EYA1: variants seen among roughly 807,000 people sequenced by gnomAD.
The protein encoded by EYA1 is protein phosphatase EYA1.
EYA1 carries 16 observed loss-of-function variants against 82.0 expected under a neutral mutation model. The ratio of observed to expected loss-of-function variants is 0.20; its 90% CI spans 0.13 to 0.30. The LOEUF (loss-of-function observed/expected upper bound fraction) is 0.30. Ranked by LOEUF, EYA1 falls within the 10% of genes least tolerant of loss-of-function variation. The probability of loss-of-function intolerance (pLI) is 1.00; values close to 1 mark genes in which losing one functional copy is unlikely to be tolerated. For missense variants in EYA1, 633 were observed against 730.7 expected (o/e 0.87, Z 1.54); for synonymous variants, 261 against 264.4 (o/e 0.99, Z 0.12).
intron 2 of EYA1, among the ~76,000 whole-genome samples, chr8:71,452,070 C>A (rs548242525): frequency 4.6e-5 from 7 of 152,228 alleles, no homozygotes; most frequent in Non-Finnish European, 1.0e-4. Context: ...CACTCCCACC[C>A]TAATACTGCA....
intron 2 of EYA1, among the ~76,000 whole-genome samples, chr8:71,420,081 T>C (rs906453072): frequency 6.6e-6 from 1 of 152,162 alleles, no homozygotes; most frequent in African/African-American, 2.4e-5. Context: ...AGCTCAACCA[T>C]GCATAATTGA....
intron 2 of EYA1, among the ~76,000 whole-genome samples, chr8:71,472,794 T>TAA (rs1563647908): frequency 6.9e-6 from 1 of 145,042 alleles, no homozygotes; most frequent in Non-Finnish European, 1.5e-5. Context: ...TGAAGATATA[T>TAA]ATATATATAT....
At chr8:71,390,688 G>T (rs776627538) in intron 2 of EYA1, among the ~76,000 whole-genome samples, 13 of 152,082 alleles carry the variant, frequency 8.5e-5, no homozygotes, top group Non-Finnish European at 1.6e-4. Flanking sequence ...GACTATAGAA[G>T]AACCTAGTCT....
chr8:71,250,641 C>T (rs1354222165), intron 11 of EYA1, among the ~76,000 whole-genome samples: 1 of 152,216 alleles, frequency 6.6e-6, no homozygotes, highest in African/African-American at 2.4e-5. Flanking sequence ...GTGGGAGGCT[C>T]TGTTTCTATT....
chr8:71,247,481 G>A (rs1813246030), intron 11 of EYA1, among the ~76,000 whole-genome samples: 1 of 152,136 alleles, frequency 6.6e-6, no homozygotes, highest in African/African-American at 2.4e-5. Context: ...TAAGAGTTCT[G>A]CTGGGAGGGA....
intron 12 of EYA1, among the ~76,000 whole-genome samples, chr8:71,225,504 T>C (rs1810450408): frequency 1.3e-5 from 2 of 152,154 alleles, no homozygotes; most frequent in South Asian, 4.1e-4. Context: ...AAAAGGAGTT[T>C]TGAAATTTGC....
At chr8:71,509,599 T>A (rs1171186522) in intron 2 of EYA1, among the ~76,000 whole-genome samples, 1 of 152,210 alleles carries the variant, frequency 6.6e-6, no homozygotes, top group Non-Finnish European at 1.5e-5. Context: ...TGAACTTCAA[T>A]GCATTTTGAC....
intron 2 of EYA1, among the ~76,000 whole-genome samples, chr8:71,507,578 T>C (rs141807737): frequency 6.6e-6 from 1 of 152,244 alleles, no homozygotes; most frequent in African/African-American, 2.4e-5. Flanking sequence ...TCTGAGGTTA[T>C]TATTCTTACA....
Position 71,334,134 on chromosome 8 carries a change from C to T in EYA1, c.165G>A (p.Thr55=), listed in dbSNP as rs745425275. Residue 55 remains threonine (T), a synonymous_variant, in exon 4 of 18, where the codon ACG becomes ACA. Transcript: ENST00000340726. The part of the protein sequence containing the change: ...EPMSSSETAS[T]TADGSLNNFS... ...AATTGTTTAAAGACCCGTCGGCTGTCGTTGAAGCTGTTTCACTGCTGCTCA... is the reference window on the plus strand; with the variant it reads ...AATTGTTTAAAGACCCGTCGGCTGTTGTTGAAGCTGTTTCACTGCTGCTCA... The T allele has an allele frequency of 2.2e-5, 36 of 1,613,716 alleles. No individual in the cohort carries two copies. Among genetic ancestry groups the T allele is most frequent in the Middle Eastern group, 1.7e-4 (1 of 6,056 alleles).
At chr8:71,280,279 A>C (rs994191806) in intron 9 of EYA1, among the ~76,000 whole-genome samples, 1 of 152,204 alleles carries the variant, frequency 6.6e-6, no homozygotes, top group African/African-American at 2.4e-5. Context: ...AGACCCTACC[A>C]TTGTCAAGCC....
intron 2 of EYA1, among the ~76,000 whole-genome samples, chr8:71,417,754 C>A (rs944671629): frequency 6.6e-6 from 1 of 152,146 alleles, no homozygotes; most frequent in Non-Finnish European, 1.5e-5. Flanking sequence ...GGTTGAGAAA[C>A]CCTGCTTCAG....
chr8:71,499,622 G>C (rs1811668665), intron 2 of EYA1, among the ~76,000 whole-genome samples: 1 of 152,144 alleles, frequency 6.6e-6, no homozygotes, highest in Non-Finnish European at 1.5e-5. Context: ...TGCAGGAATG[G>C]GGGTGGGTTG....
intron 12 of EYA1, among the ~76,000 whole-genome samples, chr8:71,221,802 A>G (rs1185239916): frequency 2.0e-5 from 3 of 152,170 alleles, no homozygotes; most frequent in Non-Finnish European, 2.9e-5. Context: ...CTGGGCATGC[A>G]CATTAAGAGA....
chr8:71,543,007 C>G (rs949393765), intron 1 of EYA1, among the ~76,000 whole-genome samples: 12 of 152,020 alleles, frequency 7.9e-5, no homozygotes, highest in Admixed American at 3.3e-4. Context: ...TGTAGATTGT[C>G]TGTTCACTCT....
At chr8:71,213,810 C>T (rs191475508) in intron 16 of EYA1, among the ~76,000 whole-genome samples, 3 of 152,152 alleles carry the variant, frequency 2.0e-5, no homozygotes, top group African/African-American at 4.8e-5. Context: ...TATTGACGCA[C>T]GTGCCTAAAA....
intron 17 of EYA1, among the ~76,000 whole-genome samples, chr8:71,210,110 TAAG>T (rs773775740): frequency 5.3e-5 from 8 of 152,204 alleles, no homozygotes; most frequent in Non-Finnish European, 8.8e-5. Flanking sequence ...AACAGAGGGT[TAAG>T]AACTTGTTCA....
At chr8:71,267,671 C>T (rs1816014090) in intron 11 of EYA1, among the ~76,000 whole-genome samples, 1 of 152,172 alleles carries the variant, frequency 6.6e-6, no homozygotes, top group Non-Finnish European at 1.5e-5. Flanking sequence ...GCCTCAGCTT[C>T]CTGAGTAGCT....
At chr8:71,484,158 C>T (rs925347907) in intron 2 of EYA1, among the ~76,000 whole-genome samples, 22 of 152,198 alleles carry the variant, frequency 1.4e-4, no homozygotes, top group Non-Finnish European at 2.2e-4. Context: ...GTGCCCATCC[C>T]TGCAGGGGAA....
intron 2 of EYA1, among the ~76,000 whole-genome samples, chr8:71,530,121 T>C (rs1385144171): frequency 1.3e-5 from 2 of 152,172 alleles, no homozygotes; most frequent in Admixed American, 6.6e-5. Context: ...CAAATTAAGA[T>C]GAGGTCATTA....
Sources: allele counts gnomAD v4.1 joint callset (sites outside exome capture counted in the v4.1 genomes callset), GRCh38; gene constraint gnomAD v4.1.1; transcripts MANE v1.5; gene names NCBI Gene and HGNC (gene_info 2026-07-23, HGNC 2026-07-21).